The following FANCC variants were observed in gnomAD, a reference collection of about 807,000 sequenced individuals.
FANCC encodes the protein FA complementation group C.
Under a neutral mutation model 71.3 loss-of-function variants are expected in FANCC, and 55 were observed. The ratio of observed to expected loss-of-function variants is 0.77; its 90% confidence interval spans 0.62 to 0.97. The LOEUF is 0.97. Ranked by LOEUF, FANCC falls within the 50% of genes least tolerant of loss-of-function variation. The probability of loss-of-function intolerance (pLI) is 0.00; values close to 1 mark genes in which losing one functional copy is unlikely to be tolerated. For missense variants in FANCC, 678 were observed against 670.9 expected, an observed-to-expected ratio of 1.01 and a Z score of -0.12; for synonymous variants, 275 against 244.9, an observed-to-expected ratio of 1.12 and a Z score of -1.15.
chr9:95,148,445 T>G (rs981197089), intron 7 of FANCC, among the ~76,000 whole-genome samples: 1 of 152,240 alleles, frequency 6.6e-6, no homozygotes, highest in African/African-American at 2.4e-5. Flanking sequence ...ATTAGCAAAG[T>G]GACTCAGTCC....
intron 1 of FANCC, among the ~76,000 whole-genome samples, chr9:95,296,293 A>G (rs983819416): frequency 2.0e-5 from 3 of 152,222 alleles, no homozygotes; most frequent in African/African-American, 7.2e-5. Flanking sequence ...AAATGTAACA[A>G]GAGGTTTCAT....
At chr9:95,194,035 T>C (rs1827266092) in intron 4 of FANCC, among the ~76,000 whole-genome samples, 1 of 152,204 alleles carries the variant, frequency 6.6e-6, no homozygotes, top group Non-Finnish European at 1.5e-5. Flanking sequence ...CCCTGAGCCA[T>C]ACACCAAACC....
intron 1 of FANCC, among the ~76,000 whole-genome samples, chr9:95,288,421 C>T (rs115897687): frequency 0.01 from 1,585 of 152,330 alleles, 29 homozygotes; most frequent in African/African-American, 0.037. Flanking sequence ...AACCGCTAGG[C>T]TATTCTTTGA....
chr9:95,101,984 G>A, intron 14 of FANCC, 134 bp from the exon 15 acceptor site: 1 of 998,324 alleles, frequency 1.0e-6, no homozygotes, highest in Non-Finnish European at 1.5e-6. Flanking sequence ...CCAAAGTAAA[G>A]CATCAGGGGC....
chr9:95,257,669 A>C (rs1015707748), intron 1 of FANCC, among the ~76,000 whole-genome samples: 2 of 152,216 alleles, frequency 1.3e-5, no homozygotes, highest in Non-Finnish European at 2.9e-5. Flanking sequence ...AAAACAAGAA[A>C]TAACTAAGAT....
chr9:95,250,652 C>T (rs970478756), intron 1 of FANCC, among the ~76,000 whole-genome samples: 1 of 152,220 alleles, frequency 6.6e-6, no homozygotes, highest in Non-Finnish European at 1.5e-5. Flanking sequence ...TCCATGCCTC[C>T]TCATTGTCTT....
intron 1 of FANCC, among the ~76,000 whole-genome samples, chr9:95,309,625 C>T (rs1835264258): frequency 6.6e-6 from 1 of 152,176 alleles, no homozygotes; most frequent in Admixed American, 6.5e-5. Flanking sequence ...ACCAAATACA[C>T]ACTAAGAATT....
At chr9:95,211,228 T>C (rs576165537) in intron 4 of FANCC, among the ~76,000 whole-genome samples, 2 of 152,200 alleles carry the variant, frequency 1.3e-5, no homozygotes, top group Non-Finnish European at 2.9e-5. Flanking sequence ...GAATCAGGGC[T>C]GGAGAGCCAT....
intron 1 of FANCC, among the ~76,000 whole-genome samples, chr9:95,279,849 G>A (rs1833272313): frequency 6.6e-6 from 1 of 151,090 alleles, no homozygotes; most frequent in African/African-American, 2.4e-5. Flanking sequence ...TCGGGTGGGT[G>A]AGGCAGGAGA....
intron 9 of FANCC, among the ~76,000 whole-genome samples, chr9:95,126,168 A>C (rs1564667238): frequency 6.6e-6 from 1 of 152,230 alleles, no homozygotes; most frequent in Admixed American, 6.5e-5. Context: ...TCTTTTAAAA[A>C]TATTGGTCAG....
chr9:95,290,837 T>G (rs1833954943), intron 1 of FANCC, among the ~76,000 whole-genome samples: 1 of 152,058 alleles, frequency 6.6e-6, no homozygotes, highest in Non-Finnish European at 1.5e-5. Flanking sequence ...AACACAACAC[T>G]AGCAAACAGA....
chr9:95,278,310 C>T (rs1433758902), intron 1 of FANCC, among the ~76,000 whole-genome samples: 1 of 152,144 alleles, frequency 6.6e-6, no homozygotes, highest in African/African-American at 2.4e-5. Context: ...TTTGACTTTA[C>T]AATGATATGA....
At chr9:95,293,614 T>C (rs751259808) in intron 1 of FANCC, 260 of 1,614,098 alleles carry the variant, frequency 1.6e-4, no homozygotes, top group Non-Finnish European at 2.1e-4. Flanking sequence ...CAAAACTTTA[T>C]ACCTTCTGCA....
intron 1 of FANCC, among the ~76,000 whole-genome samples, chr9:95,314,578 G>C (rs1296262642): frequency 6.6e-6 from 1 of 151,996 alleles, no homozygotes; most frequent in East Asian, 1.9e-4. Context: ...CTTGAACCCG[G>C]GAGGCGGAGA....
At chr9:95,169,454 T>C (rs1825523028) in intron 6 of FANCC, among the ~76,000 whole-genome samples, 1 of 152,214 alleles carries the variant, frequency 6.6e-6, no homozygotes, top group Non-Finnish European at 1.5e-5. Flanking sequence ...CTGTATGCGA[T>C]TTCCTCATCA....
intron 1 of FANCC, among the ~76,000 whole-genome samples, chr9:95,288,849 C>CTTA (rs1012936725): frequency 6.6e-6 from 1 of 151,654 alleles, no homozygotes; most frequent in Non-Finnish European, 1.5e-5. Context: ...AACCCTAGTA[C>CTTA]TTAGGGAGGC....
At chr9:95,188,986 T>G (rs1453032035) in intron 4 of FANCC, among the ~76,000 whole-genome samples, 3 of 152,242 alleles carry the variant, frequency 2.0e-5, no homozygotes, top group African/African-American at 7.2e-5. Flanking sequence ...TCTCAGTATA[T>G]GTAATTTTCT....
At chr9:95,222,219 C>A (rs1326472736) in intron 4 of FANCC, among the ~76,000 whole-genome samples, 1 of 138,788 alleles carries the variant, frequency 7.2e-6, no homozygotes, top group Non-Finnish European at 1.6e-5. Flanking sequence ...TAGCCAAAAA[C>A]TAGAAACAAT....
intron 4 of FANCC, among the ~76,000 whole-genome samples, chr9:95,181,241 A>G (rs1416765127): frequency 2.0e-5 from 3 of 152,146 alleles, no homozygotes; most frequent in African/African-American, 7.2e-5. Flanking sequence ...ATTCTGTAAT[A>G]TAAGTGGCTA....
Sources: allele counts gnomAD v4.1 joint callset (sites outside exome capture counted in the v4.1 genomes callset), GRCh38; gene constraint gnomAD v4.1.1; transcripts MANE v1.5; gene names NCBI Gene and HGNC (gene_info 2026-07-23, HGNC 2026-07-21).